Variants in ZNF385D observed in about 807,000 individuals in gnomAD.
The protein encoded by ZNF385D is zinc finger protein 385D.
Under a neutral mutation model 35.8 loss-of-function variants are expected in ZNF385D, and 15 were observed. That is an observed-to-expected ratio of 0.42 (90% CI 0.28 to 0.64). The LOEUF (loss-of-function observed/expected upper bound fraction) is 0.64, where lower values mean the gene tolerates loss of function less well. Ranked by LOEUF, ZNF385D falls within the 30% of genes least tolerant of loss-of-function variation. The pLI, the probability that ZNF385D is intolerant of heterozygous loss-of-function variation, is 0.23. For missense variants in ZNF385D, 474 were observed against 494.6 expected, an observed-to-expected ratio of 0.96 and a Z score of 0.39; for synonymous variants, 212 against 186.8, an observed-to-expected ratio of 1.13 and a Z score of -1.10.
chr3:21,952,612 CAG>C (rs1314201970), intron 3 of ZNF385D, among the ~76,000 whole-genome samples: 1 of 151,884 alleles, frequency 6.6e-6, no homozygotes, highest in Non-Finnish European at 1.5e-5. Flanking sequence ...AAACCTAACT[CAG>C]AAAGTGGTTG....
intron 3 of ZNF385D, among the ~76,000 whole-genome samples, chr3:21,828,978 C>T (rs2670265): frequency 0.18 from 28,125 of 152,084 alleles, 3,128 homozygotes; most frequent in Middle Eastern, 0.33. Context: ...TACAAGGACC[C>T]TTAAGGAAGG....
At chr3:21,812,284 G>T (rs1325110423) in intron 3 of ZNF385D, among the ~76,000 whole-genome samples, 3 of 152,236 alleles carry the variant, frequency 2.0e-5, no homozygotes, top group African/African-American at 4.8e-5. Flanking sequence ...CAGCATGAGT[G>T]ACGCAGAAGA....
At chr3:21,779,804 G>C (rs2071422425) in intron 3 of ZNF385D, among the ~76,000 whole-genome samples, 1 of 151,850 alleles carries the variant, frequency 6.6e-6, no homozygotes, top group Non-Finnish European at 1.5e-5. Flanking sequence ...TAGTTGCTGA[G>C]TATGGCTTTA....
At chr3:21,839,670 A>G (rs2670277) in intron 3 of ZNF385D, among the ~76,000 whole-genome samples, 95,561 of 151,934 alleles carry the variant, frequency 0.63, 30,711 homozygotes, top group African/African-American at 0.75. Context: ...ACTCCAGACC[A>G]CATCACTTTG....
intron 3 of ZNF385D, among the ~76,000 whole-genome samples, chr3:21,873,587 TG>T (rs1354980628): frequency 6.6e-6 from 1 of 152,148 alleles, no homozygotes; most frequent in African/African-American, 2.4e-5. Flanking sequence ...GCAGAACTTT[TG>T]CATCCTGTGT....
At chr3:21,897,072 A>G (rs533895956) in intron 3 of ZNF385D, among the ~76,000 whole-genome samples, 1 of 152,280 alleles carries the variant, frequency 6.6e-6, no homozygotes, top group East Asian at 1.9e-4. Context: ...CCAAGTACAC[A>G]TGAATACAGA....
intron 3 of ZNF385D, among the ~76,000 whole-genome samples, chr3:21,805,832 G>C (rs1191170256): frequency 2.0e-5 from 3 of 152,250 alleles, no homozygotes; most frequent in Middle Eastern, 3.4e-3. Flanking sequence ...TTGGAGCTTC[G>C]AGCATGGGAT....
intron 1 of ZNF385D, among the ~76,000 whole-genome samples, chr3:21,697,362 T>G (rs563439314): frequency 6.6e-6 from 1 of 152,174 alleles, no homozygotes; most frequent in Admixed American, 6.5e-5. Context: ...TAGTGGTAAG[T>G]TGAATTCTGT....
chr3:21,807,502 C>T (rs2072707512), intron 3 of ZNF385D, among the ~76,000 whole-genome samples: 2 of 152,018 alleles, frequency 1.3e-5, no homozygotes, highest in Admixed American at 1.3e-4. Context: ...AAAATTAAGA[C>T]CTGGCTTTGG....
At chr3:21,562,754 T>C (rs1374647334) in intron 3 of ZNF385D, among the ~76,000 whole-genome samples, 1 of 152,130 alleles carries the variant, frequency 6.6e-6, no homozygotes, top group African/African-American at 2.4e-5. Context: ...AACTATATAA[T>C]TGTTTGCTGA....
intron 3 of ZNF385D, among the ~76,000 whole-genome samples, chr3:22,088,424 T>G (rs1401419636): frequency 6.6e-6 from 1 of 152,152 alleles, no homozygotes; most frequent in Non-Finnish European, 1.5e-5. Flanking sequence ...CTAGGACACT[T>G]TGAGATCTGG....
chr3:21,573,538 C>G (rs375874415), intron 2 of ZNF385D, among the ~76,000 whole-genome samples: 1 of 152,032 alleles, frequency 6.6e-6, no homozygotes, highest in Non-Finnish European at 1.5e-5. Flanking sequence ...GAGATAATTA[C>G]GAGGAAGTGT....
chr3:22,145,453 G>A, intron 3 of ZNF385D, among the ~76,000 whole-genome samples: 1 of 152,144 alleles, frequency 6.6e-6, no homozygotes, highest in Non-Finnish European at 1.5e-5. Context: ...AACTACCAAT[G>A]CTCTTTACAC....
chr3:21,520,288 G>A (rs1403335091), intron 3 of ZNF385D, among the ~76,000 whole-genome samples: 1 of 152,184 alleles, frequency 6.6e-6, no homozygotes, highest in Non-Finnish European at 1.5e-5. Flanking sequence ...TCCTAACAGA[G>A]AGTGGATCTC....
At chr3:22,327,244 A>C (rs1694720797) in intron 2 of ZNF385D, among the ~76,000 whole-genome samples, 1 of 152,222 alleles carries the variant, frequency 6.6e-6, no homozygotes, top group South Asian at 2.1e-4. Context: ...ATTAAACCTT[A>C]CAAGTTGGAT....
intron 4 of ZNF385D, among the ~76,000 whole-genome samples, chr3:21,502,453 A>C (rs542327445): frequency 6.6e-6 from 1 of 152,336 alleles, no homozygotes; most frequent in Admixed American, 6.5e-5. Flanking sequence ...TAAGGAATCC[A>C]GTTGTTCTAA....
At chr3:21,522,192 T>A (rs1047818036) in intron 3 of ZNF385D, among the ~76,000 whole-genome samples, 1 of 152,188 alleles carries the variant, frequency 6.6e-6, no homozygotes, top group African/African-American at 2.4e-5. Flanking sequence ...ACTGACCCCA[T>A]CTCAGGGCAC....
intron 2 of ZNF385D, among the ~76,000 whole-genome samples, chr3:22,359,748 G>A (rs1696328927): frequency 6.6e-6 from 1 of 151,840 alleles, no homozygotes; most frequent in Admixed American, 6.6e-5. Context: ...TAAAATGATA[G>A]GAAATAGTGT....
At chr3:21,887,105 C>T (rs1464007821) in intron 3 of ZNF385D, among the ~76,000 whole-genome samples, 1 of 152,104 alleles carries the variant, frequency 6.6e-6, no homozygotes, top group African/African-American at 2.4e-5. Context: ...TAAAAGGTCC[C>T]TTCTTGAAGG....
Sources: gnomAD v4.1 joint callset for allele counts (sites outside exome capture counted in the v4.1 genomes callset) on GRCh38, gnomAD v4.1.1 for gene constraint, MANE v1.5 for transcripts, NCBI Gene and HGNC (gene_info 2026-07-23, HGNC 2026-07-21) for gene names.